Variants in A2ML1 observed in about 807,000 individuals in gnomAD.
The protein encoded by A2ML1 is alpha-2-macroglobulin like 1, also known as alpha-2-macroglobulin-like protein 1.
In A2ML1, 161 loss-of-function variants were observed where a neutral mutation model predicts 181.9. That is an observed-to-expected ratio of 0.89 (90% CI 0.78 to 1.01). A2ML1 has a LOEUF of 1.01. Ranked by LOEUF, A2ML1 falls within the 50% of genes least tolerant of loss-of-function variation. The pLI, the probability that A2ML1 is intolerant of heterozygous loss-of-function variation, is 0.00. For synonymous variants in A2ML1, 663 were observed against 666.8 expected (o/e 0.99, Z 0.09); for missense variants, 1,670 against 1,768.1 (o/e 0.94, Z 1.00).
intron 2 of A2ML1, 48 bp downstream of exon 2, chr12:8,823,413 C>G (rs373620411): frequency 6.5e-7 from 1 of 1,528,942 alleles, no homozygotes; most frequent in Non-Finnish European, 8.9e-7. Context: ...TGCCTATTCT[C>G]CTCCCTAGGC....
In A2ML1 at chr12:8,868,625, T is replaced by C; in HGVS notation, c.4150T>C (p.Leu1384=). The stretch of plus-strand genomic sequence containing the variant: ...CAGTCCCATGGAGGGCACCAATCAG[T>C]TAGTAAGTTACTTCTGTTTTCTTCA... ...GFSPMEGTNQ[L]LLQQPLVKKV... The change falls in exon 32 of 36, where the codon TTA becomes CTA. Residue 1384 remains leucine (L), a splice_region_variant and synonymous_variant. Transcript: ENST00000299698. 2 of 1,613,218 alleles carry C rather than the reference T, an allele frequency of 1.2e-6. No individual in the cohort carries two copies. Among genetic ancestry groups the C allele is most frequent in the Non-Finnish European group, 1.7e-6 (2 of 1,179,698 alleles).
Position 8,881,968 on chromosome 12 carries a change from G to A in A2ML1, c.*94+1352G>A, listed in dbSNP as rs913232314. 7.3e-5 allele frequency among the ~76,000 whole-genome samples: 11 copies of A among 151,472 alleles called. No individual in the cohort carries two copies. In the East Asian group the frequency reaches 1.6e-3, roughly 21 times the overall value. ...GGAGCTTGCAGTGAGCCGAGATTGC[G>A]CCACTGCACTCCAGCCTGGGCGACA... On this transcript the variant is annotated intron_variant and NMD_transcript_variant, in intron 7 of 7. Coordinates refer to the A2ML1 transcript ENST00000537475.
chr12:8,847,947 C>A (rs1943752307), intron 15 of A2ML1, among the ~76,000 whole-genome samples: 1 of 150,812 alleles, frequency 6.6e-6, no homozygotes, highest in South Asian at 2.1e-4. Flanking sequence ...CGAGACCAGC[C>A]TGACCAACAT....
downstream of A2ML1, among the ~76,000 whole-genome samples, chr12:8,877,984 C>G (rs1264633251): frequency 1.3e-5 from 2 of 152,054 alleles, no homozygotes; most frequent in Non-Finnish European, 2.9e-5. Flanking sequence ...CCATGTATAC[C>G]ATGGAATGCT....
At chr12:8,834,753 T>G in intron 5 of A2ML1, 71 bp downstream of exon 5, 1 of 1,589,312 alleles carries the variant, frequency 6.3e-7, no homozygotes, top group Non-Finnish European at 8.6e-7. Context: ...TGGTACACCT[T>G]GAAGACAGAA....
intron 21 of A2ML1, 126 bp downstream of exon 21, chr12:8,854,375 C>T (rs1355287923): frequency 1.4e-6 from 2 of 1,401,122 alleles, no homozygotes; most frequent in Admixed American, 2.4e-5. Context: ...CTTTCTCCTT[C>T]CCTGGCCCCT....
chr12:8,829,698 C>G (rs538368656), intron 3 of A2ML1, 29 bp from the exon 4 acceptor site: 24 of 1,602,562 alleles, frequency 1.5e-5, no homozygotes, highest in Admixed American at 3.4e-5. Context: ...GAAACATCCC[C>G]TTTGCTAATG....
At chr12:8,875,297 C>T (rs961236979) in intron 35 of A2ML1, among the ~76,000 whole-genome samples, 22 of 152,046 alleles carry the variant, frequency 1.4e-4, no homozygotes, top group Middle Eastern at 3.4e-3. Flanking sequence ...AGGCTGGTCT[C>T]GAACTCCTGA....
intron 13 of A2ML1, among the ~76,000 whole-genome samples, 170 bp downstream of exon 13, chr12:8,845,672 C>G (rs924826355): frequency 6.6e-6 from 1 of 151,742 alleles, no homozygotes; most frequent in African/African-American, 2.4e-5. Context: ...ATGGTGAAAC[C>G]CCGTCTCTAC....
chr12:8,845,069 A>G, intron 12 of A2ML1: 2 of 1,435,216 alleles, frequency 1.4e-6, no homozygotes, highest in South Asian at 3.1e-5. Context: ...ATTGAGCTGT[A>G]ATTAAAAAAC....
intron 29 of A2ML1, among the ~76,000 whole-genome samples, chr12:8,867,194 C>T (rs1944451597): frequency 1.3e-5 from 2 of 152,182 alleles, no homozygotes; most frequent in African/African-American, 4.8e-5. Context: ...ACTGTTTCTC[C>T]CCCAAATAAG....
At chr12:8,878,079 G>A (rs58470477), downstream of A2ML1, among the ~76,000 whole-genome samples, 3,549 of 152,100 alleles carry the variant, frequency 0.023, 142 homozygotes, top group African/African-American at 0.081. This position sits in a 1 kb window ranked among gnomAD's most constrained non-coding sequence, Gnocchi z 4.4. Flanking sequence ...GAGGTGGGTG[G>A]ATCACCTGAG....
At chr12:8,849,221 A>G (rs1943805816) in intron 16 of A2ML1, among the ~76,000 whole-genome samples, 2 of 152,152 alleles carry the variant, frequency 1.3e-5, no homozygotes, top group South Asian at 4.1e-4. Flanking sequence ...CACCTATTCT[A>G]TGAGCAGGAT....
At chr12:8,880,741 G>T (rs1478776197), downstream of A2ML1, 1 of 152,066 alleles carries the variant, frequency 6.6e-6, no homozygotes, top group Non-Finnish European at 1.5e-5. Flanking sequence ...AATTACACAG[G>T]TGGTTTTATT....
intron 29 of A2ML1, among the ~76,000 whole-genome samples, chr12:8,866,213 G>A (rs1390143194): frequency 6.7e-6 from 1 of 149,996 alleles, no homozygotes; most frequent in African/African-American, 2.5e-5. Flanking sequence ...GCTGAGGCAG[G>A]AGAATGGCGT....
chr12:8,836,400 G>A (rs996788407), intron 7 of A2ML1, 61 bp downstream of exon 7: 12 of 1,413,558 alleles, frequency 8.5e-6, no homozygotes, highest in East Asian at 7.0e-5. Context: ...CATGATGAGG[G>A]GATGACATGG....
chr12:8,855,687 G>C, intron 23 of A2ML1, 95 bp downstream of exon 23: 2 of 1,145,942 alleles, frequency 1.7e-6, no homozygotes, highest in African/African-American at 3.1e-5. Flanking sequence ...TATCCGGAGA[G>C]TGTAACTAAT....
At chr12:8,824,015 T>C in intron 3 of A2ML1, 133 bp downstream of exon 3, 1 of 1,011,294 alleles carries the variant, frequency 9.9e-7, no homozygotes, top group Non-Finnish European at 1.4e-6. Context: ...TCTGGGGGGA[T>C]TAAGTAGTGC....
chr12:8,879,950 G>A (rs1405129566), downstream of A2ML1, among the ~76,000 whole-genome samples: 1 of 152,178 alleles, frequency 6.6e-6, no homozygotes, highest in Non-Finnish European at 1.5e-5. Flanking sequence ...GGAATACAAA[G>A]ATAAATAAAA....
Sources: gnomAD v4.1 joint callset for allele counts (sites outside exome capture counted in the v4.1 genomes callset) on GRCh38, gnomAD v4.1.1 for gene constraint, Gnocchi (gnomAD v3.1) non-coding constraint, MANE v1.5 for transcripts, NCBI Gene and HGNC (gene_info 2026-07-23, HGNC 2026-07-21) for gene names.